Variants in NRG1 observed in about 807,000 individuals in gnomAD.
The protein encoded by NRG1 is neuregulin 1, also known as pro-neuregulin-1, membrane-bound isoform.
In NRG1, 18 loss-of-function variants were observed where a neutral mutation model predicts 63.8. The observed-to-expected ratio is 0.28, with a 90% CI of 0.19 to 0.42. The LOEUF (loss-of-function observed/expected upper bound fraction) is 0.42, where lower values mean the gene tolerates loss of function less well. NRG1 is among the 10% of genes least tolerant of loss of function. The pLI is 1.00. For missense variants in NRG1, 762 were observed against 814.7 expected (o/e 0.94, Z 0.79); for synonymous variants, 302 against 301.3 (o/e 1.00, Z -0.02).
At chr8:31,952,219 C>T (rs12334643) in intron 1 of NRG1, among the ~76,000 whole-genome samples, 6,256 of 152,260 alleles carry the variant, frequency 0.041, 459 homozygotes, top group African/African-American at 0.14. Flanking sequence ...CTACTAGAAA[C>T]CAAGTATCAT....
intron 1 of NRG1, among the ~76,000 whole-genome samples, chr8:32,579,369 G>C (rs1840254521): frequency 6.6e-6 from 1 of 152,100 alleles, no homozygotes; most frequent in Non-Finnish European, 1.5e-5. Flanking sequence ...AACAGCACTG[G>C]GAGGTGATCT....
In NRG1 at chr8:32,196,917, T is replaced by G. The variant is rs368113932; in HGVS notation, c.38-398911T>G. ...GATTTTATGTTTCTAAAGCTGGTTT[T>G]CTACCAGGCCTGTTCTCAGAACATT... On this transcript the variant is annotated intron_variant, in intron 1 of 10. Coordinates refer to the NRG1 transcript ENST00000519301. 2.5e-4 allele frequency among the ~76,000 whole-genome samples: 37 copies of G among 147,198 alleles called. 2 individuals carry two copies. Among genetic ancestry groups the G allele is most frequent in the Admixed American group, 1.1e-3 (16 of 14,394 alleles).
chr8:31,643,358 G>C (rs1422544363), intron 1 of NRG1, among the ~76,000 whole-genome samples: 1 of 152,254 alleles, frequency 6.6e-6, no homozygotes, highest in African/African-American at 2.4e-5. Flanking sequence ...GCTGCTCTCA[G>C]CTGCTGTGTT....
chr8:32,265,002 A>G (rs1446462800), intron 1 of NRG1, among the ~76,000 whole-genome samples: 2 of 152,180 alleles, frequency 1.3e-5, no homozygotes, highest in Admixed American at 6.6e-5. Flanking sequence ...TAGTGTCTGC[A>G]CTACTATGTG....
chr8:31,960,188 G>A (rs1204818100), intron 1 of NRG1, among the ~76,000 whole-genome samples: 1 of 152,196 alleles, frequency 6.6e-6, no homozygotes, highest in Non-Finnish European at 1.5e-5. Flanking sequence ...AGATACAAAA[G>A]AGAAGAAATC....
intron 1 of NRG1, among the ~76,000 whole-genome samples, chr8:31,657,332 G>T (rs1319191727): frequency 2.0e-5 from 3 of 152,122 alleles, no homozygotes; most frequent in Non-Finnish European, 4.4e-5. Context: ...ATAAAAAGAT[G>T]GGAAGACAAG....
intron 1 of NRG1, among the ~76,000 whole-genome samples, chr8:32,331,490 C>G (rs934544916): frequency 3.9e-5 from 6 of 151,910 alleles, no homozygotes; most frequent in Non-Finnish European, 8.8e-5. Flanking sequence ...GTGATCATAC[C>G]ACTGCACTCC....
At chr8:32,268,583 A>C (rs923771214) in intron 1 of NRG1, among the ~76,000 whole-genome samples, 1 of 152,120 alleles carries the variant, frequency 6.6e-6, no homozygotes, top group Non-Finnish European at 1.5e-5. Flanking sequence ...GTGTGTGTCC[A>C]TGTGTCCATA....
At chr8:31,910,244 C>G (rs1439131797) in intron 1 of NRG1, among the ~76,000 whole-genome samples, 2 of 152,178 alleles carry the variant, frequency 1.3e-5, no homozygotes, top group Non-Finnish European at 2.9e-5. Context: ...CTACATGTCT[C>G]TAACTTCTAG....
chr8:32,419,914 C>T (rs1471590674), intron 1 of NRG1, among the ~76,000 whole-genome samples: 1 of 152,126 alleles, frequency 6.6e-6, no homozygotes, highest in Non-Finnish European at 1.5e-5. Flanking sequence ...CCCTTCACAC[C>T]CTGTTTATAT....
chr8:32,637,603 C>T (rs372535122), intron 5 of NRG1, among the ~76,000 whole-genome samples: 12 of 152,110 alleles, frequency 7.9e-5, no homozygotes, highest in Non-Finnish European at 1.8e-4. Flanking sequence ...CAGTAATGTT[C>T]GGGCGATTCC....
chr8:32,466,609 G>A (rs16879438), intron 1 of NRG1, among the ~76,000 whole-genome samples: 1,699 of 152,170 alleles, frequency 0.011, 30 homozygotes, highest in African/African-American at 0.039. Flanking sequence ...AGGATCATTG[G>A]GTGATTATGT....
chr8:31,766,657 T>C (rs1338179585), intron 1 of NRG1, among the ~76,000 whole-genome samples: 1 of 152,218 alleles, frequency 6.6e-6, no homozygotes, highest in East Asian at 1.9e-4. Flanking sequence ...TTTTTGGTGA[T>C]GTTTTAATTT....
intron 5 of NRG1, among the ~76,000 whole-genome samples, chr8:32,636,998 A>G (rs1286383841): frequency 2.0e-5 from 3 of 152,134 alleles, no homozygotes; most frequent in Non-Finnish European, 4.4e-5. Flanking sequence ...GGCATAGGTA[A>G]TGAGTTTTAT....
At chr8:32,492,761 C>T (rs968406168) in intron 1 of NRG1, among the ~76,000 whole-genome samples, 1 of 152,082 alleles carries the variant, frequency 6.6e-6, no homozygotes, top group Admixed American at 6.6e-5. Context: ...ATTCTTTGTA[C>T]TCTCACAGTC....
chr8:31,662,128 C>T (rs1045754976), intron 1 of NRG1, among the ~76,000 whole-genome samples: 2 of 152,190 alleles, frequency 1.3e-5, no homozygotes, highest in African/African-American at 2.4e-5. Context: ...CATGGTCTGG[C>T]ACTTTCAAGA....
chr8:32,502,321 G>C (rs937057115), intron 1 of NRG1, among the ~76,000 whole-genome samples: 1 of 150,560 alleles, frequency 6.6e-6, no homozygotes, highest in South Asian at 2.1e-4. Flanking sequence ...GTACCAAGAG[G>C]GATGGTGCTA....
chr8:31,903,551 C>A (rs1386493585), intron 1 of NRG1, among the ~76,000 whole-genome samples: 1 of 152,162 alleles, frequency 6.6e-6, no homozygotes, highest in East Asian at 1.9e-4. Flanking sequence ...ACAGAATCTA[C>A]TAGCATAGCA....
chr8:31,905,636 T>C (rs1832463160), intron 1 of NRG1, among the ~76,000 whole-genome samples: 3 of 152,212 alleles, frequency 2.0e-5, no homozygotes, highest in Admixed American at 2.0e-4. Flanking sequence ...AAAAACTGGT[T>C]TATTTGTTGA....
Sources: gnomAD v4.1 joint callset for allele counts (sites outside exome capture counted in the v4.1 genomes callset) on GRCh38, gnomAD v4.1.1 for gene constraint, MANE v1.5 for transcripts, NCBI Gene and HGNC (gene_info 2026-07-23, HGNC 2026-07-21) for gene names.